The following MVB12B variants were observed in gnomAD, a reference collection of about 807,000 sequenced individuals.
MVB12B encodes the protein multivesicular body subunit 12B.
Under a neutral mutation model 41.6 loss-of-function variants are expected in MVB12B, and 16 were observed. That is an observed-to-expected ratio of 0.38 (90% confidence interval 0.26 to 0.58). MVB12B has a LOEUF of 0.58. Among genes scored for constraint, MVB12B ranks in the 20% least tolerant of loss-of-function variants. The pLI is 0.62. For synonymous variants in MVB12B, 133 were observed against 139.7 expected, an observed-to-expected ratio of 0.95 and a Z score of 0.34; for missense variants, 274 against 380.2, an observed-to-expected ratio of 0.72 and a Z score of 2.32.
intron 6 of MVB12B, among the ~76,000 whole-genome samples, chr9:126,399,266 A>G (rs1831202522): frequency 6.6e-6 from 1 of 152,174 alleles, no homozygotes; most frequent in Non-Finnish European, 1.5e-5. Context: ...TCTTCTAGTG[A>G]AGAAGGGCAG....
Position 126,395,447 on chromosome 9 carries a change from G to T in MVB12B, c.540-128G>T, listed in dbSNP as rs559897890. 9.6e-6 allele frequency: 11 copies of T among 1,144,726 alleles called. No homozygotes were observed. The highest frequency in any genetic ancestry group is 6.2e-5 in the African/African-American group (4 of 64,534). 70.9% of individuals were successfully genotyped at this position (1,144,726 alleles called of 1,614,324 possible). The stretch of plus-strand genomic sequence containing the variant: ...AAGGAGACGGTGGAACCCATTTCAC[G>T]TGGAGGGCAAGAATTGATTCCCTGG... On this transcript the variant is annotated intron_variant, in intron 5 of 9. Transcript: ENST00000361171. The surrounding 1 kb of genome is among the most constrained non-coding windows in gnomAD (Gnocchi z 4.9).
chr9:126,331,153 C>T lies in MVB12B; in HGVS notation c.81+4143C>T, dbSNP rs181654773. Among the ~76,000 whole-genome samples the T allele has an allele frequency of 2.9e-4, 44 of 152,288 alleles. 1 individual carries two copies. In the East Asian group the frequency reaches 8.5e-3, roughly 29 times the overall value. On this transcript the variant is annotated intron_variant, in intron 1 of 9. Transcript: ENST00000361171. ...GGAATTGCTGGATCATATGGTAATT[C>T]TATTTATAATTTTCTGCGGAACCAC...
intron 2 of MVB12B, among the ~76,000 whole-genome samples, chr9:126,378,624 T>TCTGTCTCTC (rs1564298249): frequency 2.2e-4 from 34 of 151,658 alleles, no homozygotes; most frequent in Middle Eastern, 3.4e-3. Context: ...TCTCTCTCTC[T>TCTGTCTCTC]TCTCTGTCTC....
chr9:126,504,830 C>T lies in MVB12B; in HGVS notation c.*1567C>T, dbSNP rs1280904233. ...ATGCCCCTGGTGGGGGTGGCCTTCTCAGGACTCCTGGGTGGCACAGCAGCA... is the reference window on the plus strand; with the variant it reads ...ATGCCCCTGGTGGGGGTGGCCTTCTTAGGACTCCTGGGTGGCACAGCAGCA... On this transcript the variant is annotated 3_prime_UTR_variant, in exon 10 of 10. Coordinates refer to ENST00000361171, the MANE Select transcript of MVB12B (RefSeq NM_033446.3). 1.3e-5 allele frequency: 2 copies of T among 152,528 alleles called. No individual in the cohort carries two copies. The highest frequency in any genetic ancestry group is 2.4e-5 in the African/African-American group (1 of 41,466). The allele number at this position is 152,528 out of a possible 1,614,324, so 9.4% of individuals were successfully genotyped here.
intron 9 of MVB12B, among the ~76,000 whole-genome samples, chr9:126,495,452 A>G (rs1320636516): frequency 6.6e-6 from 1 of 152,218 alleles, no homozygotes; most frequent in Non-Finnish European, 1.5e-5. Context: ...TGAAATACAT[A>G]GTTTTCTCTA....
chr9:126,342,251 G>A (rs1829464188), intron 2 of MVB12B, among the ~76,000 whole-genome samples: 1 of 152,150 alleles, frequency 6.6e-6, no homozygotes, highest in Non-Finnish European at 1.5e-5. Flanking sequence ...GCTCTCCTAG[G>A]AGGGCTCTCA....
chr9:126,430,482 G>A (rs1210473783), intron 7 of MVB12B, among the ~76,000 whole-genome samples: 1 of 151,938 alleles, frequency 6.6e-6, no homozygotes, highest in African/African-American at 2.4e-5. Flanking sequence ...CTCTCTCCTG[G>A]TTTACCCCAC....
At chr9:126,369,972 G>A (rs1388391629) in intron 2 of MVB12B, among the ~76,000 whole-genome samples, 2 of 151,874 alleles carry the variant, frequency 1.3e-5, no homozygotes, top group Non-Finnish European at 2.9e-5. Context: ...TTTTTTCTTA[G>A]CATTGTTCTT....
intron 6 of MVB12B, among the ~76,000 whole-genome samples, chr9:126,402,837 A>G (rs1446331660): frequency 2.0e-5 from 3 of 152,256 alleles, no homozygotes; most frequent in Non-Finnish European, 4.4e-5. Context: ...AAGACAGAAC[A>G]TACATTTTCA....
At chr9:126,462,835 T>C (rs1468868287) in intron 7 of MVB12B, among the ~76,000 whole-genome samples, 1 of 152,186 alleles carries the variant, frequency 6.6e-6, no homozygotes, top group Admixed American at 6.5e-5. Context: ...CTCACGCCCA[T>C]TTCCCCTGAC....
intron 2 of MVB12B, among the ~76,000 whole-genome samples, chr9:126,349,104 A>C (rs1022847658): frequency 2.0e-5 from 3 of 152,144 alleles, no homozygotes; most frequent in Non-Finnish European, 4.4e-5. Context: ...ACAGAGAGCC[A>C]GGGAGAAACG....
At chr9:126,327,444 C>A in intron 1 of MVB12B, 1 of 489,418 alleles carries the variant, frequency 2.0e-6, no homozygotes, top group Non-Finnish European at 2.7e-6. Flanking sequence ...GCACCTGCCC[C>A]AGGAGCATCA....
At chr9:126,390,556 G>T (rs540934781) in intron 4 of MVB12B, among the ~76,000 whole-genome samples, 22 of 152,364 alleles carry the variant, frequency 1.4e-4, no homozygotes, top group African/African-American at 5.0e-4. Flanking sequence ...ATAAGTAAGA[G>T]AAAAGAATCA....
chr9:126,403,199 C>A (rs1024404434), intron 6 of MVB12B, among the ~76,000 whole-genome samples: 1 of 152,202 alleles, frequency 6.6e-6, no homozygotes, highest in African/African-American at 2.4e-5. Flanking sequence ...TTCCTGTTAT[C>A]CGACCGCCCC....
At chr9:126,404,472 G>A (rs1831360973) in intron 6 of MVB12B, among the ~76,000 whole-genome samples, 1 of 152,258 alleles carries the variant, frequency 6.6e-6, no homozygotes, top group Non-Finnish European at 1.5e-5. Flanking sequence ...AGGGAGCCAA[G>A]CATGTGCCTG....
chr9:126,430,962 T>G (rs1279817736), intron 7 of MVB12B, among the ~76,000 whole-genome samples: 1 of 152,066 alleles, frequency 6.6e-6, no homozygotes, highest in Non-Finnish European at 1.5e-5. Flanking sequence ...GGTAAGAACA[T>G]TTCATAAACC....
intron 2 of MVB12B, among the ~76,000 whole-genome samples, chr9:126,342,650 T>C (rs189674185): frequency 1.1e-4 from 17 of 152,248 alleles, no homozygotes; most frequent in African/African-American, 1.9e-4. Flanking sequence ...CTGAAAGCCC[T>C]AACAGGGAGA....
At chr9:126,502,433 C>T (rs538564101) in intron 9 of MVB12B, among the ~76,000 whole-genome samples, 2 of 152,282 alleles carry the variant, frequency 1.3e-5, no homozygotes, top group East Asian at 1.9e-4. Context: ...ACTTGGAACG[C>T]GATTTAGTGA....
intron 7 of MVB12B, among the ~76,000 whole-genome samples, chr9:126,465,872 G>A (rs1833190160): frequency 6.6e-6 from 1 of 152,174 alleles, no homozygotes; most frequent in Non-Finnish European, 1.5e-5. Context: ...GTATAAGTGT[G>A]TTTCATGGGT....
Sources: allele counts gnomAD v4.1 joint callset (sites outside exome capture counted in the v4.1 genomes callset), GRCh38; gene constraint gnomAD v4.1.1; non-coding constraint Gnocchi (gnomAD v3.1); transcripts MANE v1.5; gene names NCBI Gene and HGNC (gene_info 2026-07-23, HGNC 2026-07-21).